The following CCDC88A variants were observed in gnomAD, a reference collection of about 807,000 sequenced individuals.
The protein encoded by CCDC88A is girdin.
A neutral mutation model predicts 234.3 loss-of-function variants in CCDC88A; 54 were observed. The ratio of observed to expected loss-of-function variants is 0.23; its 90% CI spans 0.19 to 0.29. The LOEUF is 0.29. Ranked by LOEUF, CCDC88A falls within the 10% of genes least tolerant of loss-of-function variation. The pLI is 1.00. For missense variants in CCDC88A, 1,832 were observed against 2,123.4 expected, an observed-to-expected ratio of 0.86 and a Z score of 2.70; for synonymous variants, 753 against 737.8, an observed-to-expected ratio of 1.02 and a Z score of -0.33.
At chr2:55,369,318 C>A (rs905456637) in intron 5 of CCDC88A, among the ~76,000 whole-genome samples, 1 of 152,072 alleles carries the variant, frequency 6.6e-6, no homozygotes, top group East Asian at 1.9e-4. Flanking sequence ...CAGGTGTGAG[C>A]CACCATGTCT....
chr2:55,317,201 A>G lies in CCDC88A; in HGVS notation c.3746+5T>C, dbSNP rs772982384. 7.8e-7 allele frequency: 1 copy of G among 1,285,474 alleles called. No individual in the cohort carries two copies. The highest frequency in any genetic ancestry group is 1.1e-6 in the Non-Finnish European group (1 of 945,364). The allele number at this position is 1,285,474 out of a possible 1,614,324, so 79.6% of individuals were successfully genotyped here. A position where few individuals can be genotyped will look rare whatever the true frequency, so the allele number is the denominator to read the frequency against. On this transcript the variant is annotated splice_donor_5th_base_variant and intron_variant, in intron 21 of 32. Transcript: ENST00000436346. This position sits in a 1 kb window ranked among gnomAD's most constrained non-coding sequence, Gnocchi z 4.2. Reference sequence around the variant, plus strand: ...TGTTTGTTATATATAATATATATTTATTACCTATCATTTTCACCACAAAGT... The same window carrying G: ...TGTTTGTTATATATAATATATATTTGTTACCTATCATTTTCACCACAAAGT...
intron 29 of CCDC88A, among the ~76,000 whole-genome samples, chr2:55,299,377 T>C (rs1680611532): frequency 6.6e-6 from 1 of 152,218 alleles, no homozygotes; most frequent in East Asian, 1.9e-4. Flanking sequence ...TGCATTCATA[T>C]AGTTCTTGTT....
At chr2:55,319,155 A>G (rs1480113272) in intron 18 of CCDC88A, 151 bp from the exon 19 acceptor site, 2 of 566,598 alleles carry the variant, frequency 3.5e-6, no homozygotes, top group Non-Finnish European at 2.8e-6. Flanking sequence ...AAAAACCAAA[A>G]CATTTCCCCC....
intron 13 of CCDC88A, chr2:55,338,895 T>C (rs1023099345): frequency 6.6e-5 from 10 of 151,808 alleles, no homozygotes; most frequent in African/African-American, 2.2e-4. Context: ...CTCAAGAAGA[T>C]ATGAGAGAAC....
In CCDC88A at chr2:55,296,272, G is replaced by C; in HGVS notation, c.5077C>G (p.Leu1693Val). The change falls in exon 30 of 33, where the codon CTT becomes GTT. Residue 1693 changes from leucine to valine, a missense_variant. By Grantham distance (32) the Leu-to-Val change is conservative. This residue lies in a region of CCDC88A where 422 missense variants were observed against 416.5 expected (regional missense o/e 1.01). Coordinates refer to ENST00000436346, the MANE Select transcript of CCDC88A (RefSeq NM_001365480.1). ...LQQFLEESNK[L>V]TSVQIKSSSQ... is the part of the protein sequence containing the mutation. ...ATAAAACTAACCTGTACTGAGGTAA[G>C]CTTATTGCTTTCTTCCAAAAACTGT... The C allele has an allele frequency of 6.2e-7, 1 of 1,613,976 alleles. No individual in the cohort carries two copies. Among genetic ancestry groups the C allele is most frequent in the Non-Finnish European group, 8.5e-7 (1 of 1,179,950 alleles).
chr2:55,292,266 C>G (rs141819410), intron 31 of CCDC88A: 87 of 152,278 alleles, frequency 5.7e-4, no homozygotes, highest in Non-Finnish European at 1.0e-3. Flanking sequence ...AAAGCTAGGC[C>G]AGGAATACTG....
chr2:55,384,592 CATATATACGTATATATGTGT>C (rs1675230333), intron 3 of CCDC88A, among the ~76,000 whole-genome samples: 1 of 76,224 alleles, frequency 1.3e-5, no homozygotes. Flanking sequence ...TATATATACA[CATATATACGTATATATGTGT>C]ATATATACGT....
intron 29 of CCDC88A, among the ~76,000 whole-genome samples, chr2:55,298,604 CTA>C (rs1558624708): frequency 6.6e-6 from 1 of 151,946 alleles, no homozygotes; most frequent in African/African-American, 2.4e-5. Flanking sequence ...CAGAGAGTAA[CTA>C]TGATATATTG....
chr2:55,318,736 C>G, intron 19 of CCDC88A, 107 bp downstream of exon 19: 1 of 883,910 alleles, frequency 1.1e-6, no homozygotes, highest in Non-Finnish European at 1.6e-6. Context: ...TTTCATTTAT[C>G]TTTAAGTTCA....
chr2:55,399,459 G>T (rs111756681), intron 2 of CCDC88A, among the ~76,000 whole-genome samples: 2 of 151,060 alleles, frequency 1.3e-5, no homozygotes, highest in Admixed American at 6.6e-5. Flanking sequence ...GCTGGGAGGC[G>T]GAGGTTGCAG....
Position 55,332,560 on chromosome 2 carries a change from A to G in CCDC88A, c.2855+6T>C, listed in dbSNP as rs1167718459. The G allele has an allele frequency of 6.2e-7, 1 of 1,610,288 alleles. No homozygotes were observed. The highest frequency in any genetic ancestry group is 2.2e-5 in the East Asian group (1 of 44,720). ...CAACTGTTTGCCAAGTAGACTTAGTACTCACCTGTCATCAGTACTTTGTTC... is the reference window on the plus strand; with the variant it reads ...CAACTGTTTGCCAAGTAGACTTAGTGCTCACCTGTCATCAGTACTTTGTTC... On this transcript the variant is annotated splice_donor_region_variant and intron_variant, in intron 16 of 32. Transcript: ENST00000436346. This position sits in a 1 kb window ranked among gnomAD's most constrained non-coding sequence, Gnocchi z 4.5.
rs1397432134 is a variant in CCDC88A at position 55,291,543 on chromosome 2, T to G, written c.*35+133A>C. 10 of 433,234 alleles carry G rather than the reference T, an allele frequency of 2.3e-5. No individual in the cohort carries two copies. The East Asian group carries it at 3.5e-4, about 15-fold the overall frequency. The allele number at this position is 433,234 out of a possible 1,614,324, so 26.8% of individuals were successfully genotyped here. On this transcript the variant is annotated intron_variant, in intron 32 of 32. Coordinates refer to ENST00000436346, the MANE Select transcript of CCDC88A (RefSeq NM_001365480.1). Reference sequence around the variant, plus strand: ...CAACTAATCTTGCTTCACTAGTAAGTAGAACAGAAAGTCAATGAATTAAGC... The same window carrying G: ...CAACTAATCTTGCTTCACTAGTAAGGAGAACAGAAAGTCAATGAATTAAGC...
intron 3 of CCDC88A, among the ~76,000 whole-genome samples, chr2:55,382,774 T>C (rs1343282470): frequency 2.6e-5 from 4 of 152,204 alleles, no homozygotes; most frequent in Non-Finnish European, 4.4e-5. Flanking sequence ...GAAGTATATC[T>C]TTGATAAACT....
chr2:55,381,552 C>CAAAAAAA (rs5831359), intron 3 of CCDC88A, among the ~76,000 whole-genome samples: 1 of 93,408 alleles, frequency 1.1e-5, no homozygotes. Context: ...GACCCTGTCT[C>CAAAAAAA]AAAAAAAAAA....
At chr2:55,415,185 C>T (rs1407697011) in intron 2 of CCDC88A, among the ~76,000 whole-genome samples, 5 of 152,060 alleles carry the variant, frequency 3.3e-5, no homozygotes, top group South Asian at 2.1e-4. Flanking sequence ...TTGTGGTGCG[C>T]GTGCCTGTAG....
chr2:55,334,784 C>T lies in CCDC88A; in HGVS notation c.2037G>A (p.Leu679=), dbSNP rs1184611913. ...GAAAGGTCAGATTTTTAAAGCTATC[C>T]AATGTTTTTTTTAATTTTCTATTTT... ...ERENRKLKKT[L]DSFKNLTFQL... The change falls in exon 15 of 33, where the codon TTG becomes TTA. Residue 679 remains leucine, a synonymous_variant. Transcript: ENST00000436346. The surrounding 1 kb of genome is among the most constrained non-coding windows in gnomAD (Gnocchi z 6.1). 6.3e-7 allele frequency: 1 copy of T among 1,591,200 alleles called. No individual in the cohort carries two copies. Among genetic ancestry groups the T allele is most frequent in the East Asian group, 2.2e-5 (1 of 44,632 alleles).
intron 4 of CCDC88A, among the ~76,000 whole-genome samples, chr2:55,372,968 G>A (rs1013173260): frequency 6.6e-6 from 1 of 151,994 alleles, no homozygotes; most frequent in Non-Finnish European, 1.5e-5. Context: ...AATTTAAATG[G>A]TTTTCCACTG....
intron 23 of CCDC88A, among the ~76,000 whole-genome samples, chr2:55,311,244 C>G (rs981803500): frequency 6.6e-6 from 1 of 152,170 alleles, no homozygotes; most frequent in Non-Finnish European, 1.5e-5. Flanking sequence ...ACTAAAAGGA[C>G]TAAAGGTGGA....
chr2:55,317,187 T>C lies in CCDC88A; in HGVS notation c.3746+19A>G. ...CTTTCTATATAAAATGTTTGTTATATATAATATATATTTATTACCTATCAT... is the reference window on the plus strand; with the variant it reads ...CTTTCTATATAAAATGTTTGTTATACATAATATATATTTATTACCTATCAT... On this transcript the variant is annotated intron_variant, in intron 21 of 32. Coordinates refer to ENST00000436346, the MANE Select transcript of CCDC88A (RefSeq NM_001365480.1). The surrounding 1 kb of genome is among the most constrained non-coding windows in gnomAD (Gnocchi z 4.2). 1.8e-6 allele frequency: 2 copies of C among 1,102,738 alleles called. No individual in the cohort carries two copies. Among genetic ancestry groups the C allele is most frequent in the Non-Finnish European group, 2.5e-6 (2 of 811,804 alleles). 68.3% of individuals were successfully genotyped at this position (1,102,738 alleles called of 1,614,324 possible).
Sources: allele counts gnomAD v4.1 joint callset (sites outside exome capture counted in the v4.1 genomes callset), GRCh38; gene constraint gnomAD v4.1.1; regional missense constraint gnomAD v4.1.1; non-coding constraint Gnocchi (gnomAD v3.1); transcripts MANE v1.5; gene names NCBI Gene and HGNC (gene_info 2026-07-23, HGNC 2026-07-21).